ADGRD1: variants seen among roughly 807,000 people sequenced by gnomAD.
The protein encoded by ADGRD1 is adhesion G protein-coupled receptor D1, also known as G-protein coupled receptor 133.
Under a neutral mutation model 113.4 loss-of-function variants are expected in ADGRD1, and 77 were observed. That is an observed-to-expected ratio of 0.68 (90% confidence interval 0.57 to 0.82). ADGRD1 has a LOEUF of 0.82. ADGRD1 is among the 40% of genes least tolerant of loss of function. The pLI is 0.00. For missense variants in ADGRD1, 1,036 were observed against 1,139.1 expected (o/e 0.91, Z 1.30); for synonymous variants, 474 against 475.0 (o/e 1.00, Z 0.03).
chr12:131,118,500 C>A, intron 19 of ADGRD1, 49 bp downstream of exon 19: 1 of 1,421,898 alleles, frequency 7.0e-7, no homozygotes, highest in Non-Finnish European at 9.8e-7. Flanking sequence ...CATGGAACAG[C>A]TTGTGGCGAG....
intron 11 of ADGRD1, 61 bp downstream of exon 11, chr12:131,004,357 C>T: frequency 2.5e-6 from 3 of 1,201,566 alleles, no homozygotes; most frequent in Non-Finnish European, 2.4e-6. Context: ...TCTGAAGAGT[C>T]CCCAAGCTTT....
intron 18 of ADGRD1, among the ~76,000 whole-genome samples, chr12:131,114,387 G>T (rs1378464233): frequency 6.6e-6 from 1 of 152,184 alleles, no homozygotes; most frequent in African/African-American, 2.4e-5. Flanking sequence ...CCCAGTAGGA[G>T]ACTGAGCTTG....
intron 20 of ADGRD1, among the ~76,000 whole-genome samples, chr12:131,129,272 G>C (rs185763352): frequency 3.5e-4 from 33 of 95,450 alleles, no homozygotes; most frequent in Admixed American, 7.0e-4. Context: ...GTGACAGGCC[G>C]GCCCTCCTGT....
At chr12:131,101,377 C>CTTTCTTTTTTTTTT (rs1950076237) in intron 15 of ADGRD1, among the ~76,000 whole-genome samples, 17 of 36,146 alleles carry the variant, frequency 4.7e-4, no homozygotes, top group African/African-American at 1.4e-3. Flanking sequence ...TTCTTTCTTT[C>CTTTCTTTTTTTTTT]TTTTTTTTTT....
chr12:130,969,253 G>A (rs1871344791), intron 3 of ADGRD1: 1 of 584,198 alleles, frequency 1.7e-6, no homozygotes, highest in Non-Finnish European at 3.0e-6. Context: ...TAAGTCTAAA[G>A]GAAGATTGCA....
chr12:131,090,089 C>G (rs12311582), intron 15 of ADGRD1, among the ~76,000 whole-genome samples: 1 of 152,162 alleles, frequency 6.6e-6, no homozygotes, highest in Non-Finnish European at 1.5e-5. Context: ...AGACGACTTA[C>G]GGTCTCGATC....
intron 20 of ADGRD1, among the ~76,000 whole-genome samples, chr12:131,127,617 G>T (rs1593261593): frequency 1.3e-5 from 2 of 148,290 alleles, no homozygotes; most frequent in South Asian, 4.5e-4. Context: ...TGGTTGTGAT[G>T]GGACCCTGAG....
intron 18 of ADGRD1, among the ~76,000 whole-genome samples, chr12:131,116,470 C>A (rs1950465454): frequency 6.6e-6 from 1 of 152,224 alleles, no homozygotes; most frequent in South Asian, 2.1e-4. Context: ...AAACCCAAAC[C>A]CTGATGTTTG....
Position 131,113,401 on chromosome 12 carries a change from T to C in ADGRD1, c.2041+4524T>C, listed in dbSNP as rs1950388809. ...CCTTGCCCATCCCAAGGGGTCCCAG[T>C]GAGCACTGGAGGCTCTAGGTTGGGC... On this transcript the variant is annotated intron_variant, in intron 18 of 24. Coordinates refer to ENST00000261654, the MANE Select transcript of ADGRD1 (RefSeq NM_198827.5). The surrounding 1 kb of genome is among the most constrained non-coding windows in gnomAD (Gnocchi z 4.9). 1.3e-5 allele frequency among the ~76,000 whole-genome samples: 2 copies of C among 152,184 alleles called. No homozygotes were observed. The highest frequency in any genetic ancestry group is 4.8e-5 in the African/African-American group (2 of 41,446).
At chr12:130,987,399 C>T (rs1299502004) in intron 6 of ADGRD1, 50 bp downstream of exon 6, 1 of 1,602,738 alleles carries the variant, frequency 6.2e-7, no homozygotes, top group African/African-American at 1.3e-5. Flanking sequence ...TTCCCAGGGT[C>T]ACCCTGGTAT....
At chr12:131,112,628 G>GT (rs1950371218) in intron 18 of ADGRD1, among the ~76,000 whole-genome samples, 2 of 152,212 alleles carry the variant, frequency 1.3e-5, no homozygotes. Context: ...CTTTAAATCA[G>GT]TTCCCATGGG....
chr12:130,990,734 G>T, intron 6 of ADGRD1: 1 of 316,668 alleles, frequency 3.2e-6, no homozygotes, highest in Admixed American at 4.9e-5. Context: ...GGTAATCCTT[G>T]TATAAAATCA....
intron 13 of ADGRD1, among the ~76,000 whole-genome samples, chr12:131,053,629 A>G (rs1453985024): frequency 6.6e-6 from 1 of 152,202 alleles, no homozygotes; most frequent in African/African-American, 2.4e-5. Flanking sequence ...GAATGGTGCT[A>G]ATCAACATGG....
intron 11 of ADGRD1, among the ~76,000 whole-genome samples, chr12:131,004,918 G>T (rs1345464303): frequency 6.6e-6 from 1 of 152,222 alleles, no homozygotes; most frequent in Admixed American, 6.5e-5. Context: ...CTGGAAAAGC[G>T]AATATGACTC....
At chr12:131,055,919 A>C (rs2137063696) in intron 13 of ADGRD1, among the ~76,000 whole-genome samples, 1 of 152,358 alleles carries the variant, frequency 6.6e-6, no homozygotes, top group Middle Eastern at 3.4e-3. Context: ...CAAGACCACA[A>C]ACATGACCGG....
chr12:131,108,810 C>T lies in ADGRD1; in HGVS notation c.1974C>T (p.Tyr658=), dbSNP rs771575735. Residue 658 remains tyrosine (Y), a synonymous_variant, in exon 18 of 25, where the codon TAC becomes TAT. Coordinates refer to ENST00000261654, the MANE Select transcript of ADGRD1 (RefSeq NM_198827.5). ...TGCTGGTGGAGGGGCTGCACCTCTA[C>T]AGCATGGTGATCAAGGTCTTTGGGT... is the stretch of plus-strand genomic sequence containing the variant. ...AWMLVEGLHL[Y]SMVIKVFGSE... is the part of the protein sequence containing the mutation. The T allele has an allele frequency of 6.2e-7, 1 of 1,613,800 alleles. No homozygotes were observed. Among genetic ancestry groups the T allele is most frequent in the East Asian group, 2.2e-5 (1 of 44,864 alleles).
chr12:131,054,833 C>T (rs987731571), intron 13 of ADGRD1, among the ~76,000 whole-genome samples: 2 of 152,180 alleles, frequency 1.3e-5, no homozygotes, highest in African/African-American at 4.8e-5. Flanking sequence ...TTATAGAGCT[C>T]GCTTCTGCGC....
chr12:131,061,673 T>G (rs921950866), intron 13 of ADGRD1, among the ~76,000 whole-genome samples: 1 of 152,184 alleles, frequency 6.6e-6, no homozygotes, highest in Non-Finnish European at 1.5e-5. Flanking sequence ...CTAACATCAG[T>G]GCTATGTATG....
intron 13 of ADGRD1, among the ~76,000 whole-genome samples, chr12:131,038,247 TC>T (rs1426776874): frequency 6.6e-6 from 1 of 152,200 alleles, no homozygotes; most frequent in Non-Finnish European, 1.5e-5. Context: ...GCCCTGGACT[TC>T]CCCCATCCAC....
Sources: gnomAD v4.1 joint callset for allele counts (sites outside exome capture counted in the v4.1 genomes callset) on GRCh38, gnomAD v4.1.1 for gene constraint, Gnocchi (gnomAD v3.1) non-coding constraint, MANE v1.5 for transcripts, NCBI Gene and HGNC (gene_info 2026-07-23, HGNC 2026-07-21) for gene names.